JPH3: variants seen among roughly 807,000 people sequenced by gnomAD.
The protein encoded by JPH3 is junctophilin 3.
Under a neutral mutation model 59.6 loss-of-function variants are expected in JPH3, and 11 were observed. The ratio of observed to expected loss-of-function variants is 0.18; its 90% CI spans 0.12 to 0.31. The LOEUF is 0.31. Ranked by LOEUF, JPH3 falls within the 10% of genes least tolerant of loss-of-function variation. The probability of loss-of-function intolerance (pLI) is 1.00; values close to 1 mark genes in which losing one functional copy is unlikely to be tolerated. For missense variants in JPH3, 1,202 were observed against 1,105.7 expected (o/e 1.09, Z -1.24); for synonymous variants, 673 against 483.6 (o/e 1.39, Z -5.14).
intron 1 of JPH3, among the ~76,000 whole-genome samples, chr16:87,630,169 A>C (rs938046706): frequency 1.6e-4 from 25 of 152,138 alleles, no homozygotes; most frequent in Non-Finnish European, 3.5e-4. Flanking sequence ...CACTGGAGGC[A>C]CTGGCCTTCC....
At chr16:87,674,289 G>A (rs181700669) in intron 2 of JPH3, among the ~76,000 whole-genome samples, 30 of 152,218 alleles carry the variant, frequency 2.0e-4, no homozygotes, top group Non-Finnish European at 3.5e-4. Context: ...AGCCGAGATC[G>A]CGCCACTGAC....
At chr16:87,683,466 G>A (rs760163480) in intron 2 of JPH3, among the ~76,000 whole-genome samples, 4 of 151,526 alleles carry the variant, frequency 2.6e-5, no homozygotes, top group Non-Finnish European at 1.5e-5. Flanking sequence ...CACAACACCC[G>A]GCTAATTTTT....
intron 4 of JPH3, among the ~76,000 whole-genome samples, chr16:87,691,821 C>T (rs1036423125): frequency 2.0e-5 from 3 of 152,074 alleles, no homozygotes; most frequent in African/African-American, 4.8e-5. Flanking sequence ...CTTGATTTTC[C>T]CCATCGCAGC....
chr16:87,673,460 T>C (rs528353289), intron 2 of JPH3, among the ~76,000 whole-genome samples: 1 of 152,318 alleles, frequency 6.6e-6, no homozygotes, highest in East Asian at 1.9e-4. Context: ...ACATTTAAAC[T>C]GCAGCTTTAA....
intron 1 of JPH3, among the ~76,000 whole-genome samples, chr16:87,608,888 A>G (rs1161847538): frequency 6.6e-6 from 1 of 152,172 alleles, no homozygotes; most frequent in Non-Finnish European, 1.5e-5. Context: ...AAATACAAAA[A>G]TTAGCCAGGT....
chr16:87,671,344 G>C (rs972633730), intron 2 of JPH3, among the ~76,000 whole-genome samples: 1 of 152,164 alleles, frequency 6.6e-6, no homozygotes, highest in East Asian at 1.9e-4. Flanking sequence ...CCTCTGACCC[G>C]TCAGGGGCCC....
At chr16:87,646,100 C>T (rs1345293934) in intron 2 of JPH3, among the ~76,000 whole-genome samples, 1 of 152,168 alleles carries the variant, frequency 6.6e-6, no homozygotes, top group African/African-American at 2.4e-5. Context: ...GCACGTTCCC[C>T]TGCGTCTTTC....
At chr16:87,641,557 T>G (rs560367633) in intron 1 of JPH3, among the ~76,000 whole-genome samples, 17 of 152,338 alleles carry the variant, frequency 1.1e-4, no homozygotes, top group African/African-American at 4.1e-4. Context: ...TGCCACGTCC[T>G]TCTTCCTGGT....
chr16:87,631,422 A>T (rs144712719), intron 1 of JPH3, among the ~76,000 whole-genome samples: 5 of 152,278 alleles, frequency 3.3e-5, no homozygotes, highest in South Asian at 4.1e-4. Flanking sequence ...GCAGTTTCCC[A>T]CTGACTTCTA....
chr16:87,696,169 G>T (rs1209062164), intron 4 of JPH3: 3 of 455,498 alleles, frequency 6.6e-6, no homozygotes, highest in Middle Eastern at 1.2e-3. Flanking sequence ...AGCCATGCGG[G>T]CCCTTCTGAG....
intron 1 of JPH3, among the ~76,000 whole-genome samples, chr16:87,639,013 C>T (rs930132838): frequency 6.6e-5 from 10 of 152,162 alleles, no homozygotes; most frequent in African/African-American, 2.4e-4. Flanking sequence ...CAGGTGACAG[C>T]CCTGGGTTCT....
intron 2 of JPH3, among the ~76,000 whole-genome samples, chr16:87,669,811 G>A (rs1245150054): frequency 6.6e-6 from 1 of 152,102 alleles, no homozygotes. Flanking sequence ...CGGCCTGCAG[G>A]CAGCCAGTGT....
At chr16:87,633,856 T>C (rs767943967) in intron 1 of JPH3, among the ~76,000 whole-genome samples, 5 of 152,114 alleles carry the variant, frequency 3.3e-5, no homozygotes, top group Admixed American at 1.3e-4. Context: ...GTCTCTCTTA[T>C]AGTCTTTTCT....
intron 1 of JPH3, among the ~76,000 whole-genome samples, chr16:87,615,574 A>C (rs557296403): frequency 6.6e-6 from 1 of 152,322 alleles, no homozygotes; most frequent in African/African-American, 2.4e-5. Flanking sequence ...AAGCAGGCTC[A>C]GAGATGCAAC....
At chr16:87,633,272 A>G (rs1157142567) in intron 1 of JPH3, among the ~76,000 whole-genome samples, 1 of 146,864 alleles carries the variant, frequency 6.8e-6, no homozygotes, top group Non-Finnish European at 1.5e-5. Context: ...CACCAGGCCT[A>G]TTGGATGAGG....
intron 4 of JPH3, chr16:87,696,252 T>C (rs990101258): frequency 4.4e-6 from 2 of 456,784 alleles, no homozygotes; most frequent in Non-Finnish European, 8.2e-6. Context: ...ACCGAGACGT[T>C]TGCTTGCAGG....
chr16:87,630,207 A>G (rs1485598896), intron 1 of JPH3, among the ~76,000 whole-genome samples: 1 of 152,178 alleles, frequency 6.6e-6, no homozygotes, highest in African/African-American at 2.4e-5. Flanking sequence ...AGTGGGGTCA[A>G]GACGCACCTG....
chr16:87,611,977 G>A lies in JPH3; in HGVS notation c.382+8449G>A, dbSNP rs1475943262. On this transcript the variant is annotated intron_variant, in intron 1 of 4. Transcript: ENST00000284262. The surrounding 1 kb of genome is among the most constrained non-coding windows in gnomAD (Gnocchi z 4.5). ...TTGGAGATGCTCAGGTGGCTGCAGT[G>A]CAGGAGATCCTGCTTTGGTGCACTC... is the stretch of plus-strand genomic sequence containing the variant. Among the ~76,000 whole-genome samples, 1 of 152,226 alleles carries A rather than the reference G, an allele frequency of 6.6e-6. No individual in the cohort carries two copies. The highest frequency in any genetic ancestry group is 1.5e-5 in the Non-Finnish European group (1 of 68,026).
chr16:87,664,558 G>A (rs1228534134), intron 2 of JPH3, among the ~76,000 whole-genome samples: 2 of 152,150 alleles, frequency 1.3e-5, no homozygotes, highest in Admixed American at 1.3e-4. Context: ...CTGGGAGGCG[G>A]AGGTTGCAGT....
Sources: allele counts gnomAD v4.1 joint callset (sites outside exome capture counted in the v4.1 genomes callset), GRCh38; gene constraint gnomAD v4.1.1; non-coding constraint Gnocchi (gnomAD v3.1); transcripts MANE v1.5; gene names NCBI Gene and HGNC (gene_info 2026-07-23, HGNC 2026-07-21).